Variants in LPP observed in about 807,000 individuals in gnomAD.
LPP encodes lipoma-preferred partner.
In LPP, 38 loss-of-function variants were observed where a neutral mutation model predicts 60.4. The ratio of observed to expected loss-of-function variants is 0.63; its 90% confidence interval spans 0.49 to 0.83. The LOEUF is 0.83. Among genes scored for constraint, LPP ranks in the 40% least tolerant of loss-of-function variants. The probability of loss-of-function intolerance (pLI) is 0.00; values close to 1 mark genes in which losing one functional copy is unlikely to be tolerated. For missense variants in LPP, 902 were observed against 783.6 expected (o/e 1.15, Z -1.80); for synonymous variants, 328 against 290.8 (o/e 1.13, Z -1.30).
chr3:188,757,931 G>T (rs1730927261), intron 8 of LPP, among the ~76,000 whole-genome samples: 1 of 108,620 alleles, frequency 9.2e-6, no homozygotes, highest in African/African-American at 3.6e-5. Context: ...CAAAAATAGT[G>T]CCATATGAAA....
At chr3:188,564,452 C>T (rs961003799) in intron 6 of LPP, among the ~76,000 whole-genome samples, 52 of 152,084 alleles carry the variant, frequency 3.4e-4, no homozygotes, top group African/African-American at 1.2e-3. Context: ...CTATCCTTCT[C>T]TTTTATTTAT....
intron 6 of LPP, among the ~76,000 whole-genome samples, chr3:188,535,981 A>G (rs1051325746): frequency 6.7e-6 from 1 of 149,184 alleles, no homozygotes; most frequent in African/African-American, 2.5e-5. Flanking sequence ...CAACCAAAAC[A>G]CCTGTATAAT....
At chr3:188,184,678 C>T (rs1353188826) in intron 1 of LPP, among the ~76,000 whole-genome samples, 5 of 144,134 alleles carry the variant, frequency 3.5e-5, no homozygotes, top group Non-Finnish European at 6.0e-5. Flanking sequence ...AATAGGGCTC[C>T]GGTAAACTTT....
intron 2 of LPP, among the ~76,000 whole-genome samples, chr3:188,225,940 G>A (rs192211538): frequency 6.6e-6 from 1 of 152,356 alleles, no homozygotes; most frequent in Admixed American, 6.5e-5. Flanking sequence ...AGGAAAGAAA[G>A]CAGTATTATT....
intron 9 of LPP, among the ~76,000 whole-genome samples, chr3:188,855,732 C>T (rs1763685052): frequency 6.6e-6 from 1 of 152,190 alleles, no homozygotes; most frequent in African/African-American, 2.4e-5. Flanking sequence ...GTTCAGCCCT[C>T]AAATCACTCC....
chr3:188,332,862 A>C (rs192898308), intron 2 of LPP, among the ~76,000 whole-genome samples: 390 of 152,226 alleles, frequency 2.6e-3, no homozygotes, highest in African/African-American at 8.7e-3. Context: ...TTTTGTGAGA[A>C]TCAACCTCCA....
At chr3:188,827,122 C>G (rs549407166) in intron 9 of LPP, among the ~76,000 whole-genome samples, 1 of 152,194 alleles carries the variant, frequency 6.6e-6, no homozygotes, top group African/African-American at 2.4e-5. Flanking sequence ...ATTATTAGAG[C>G]TGGCATGAAC....
intron 5 of LPP, among the ~76,000 whole-genome samples, chr3:188,488,642 AT>A (rs1430358648): frequency 1.3e-5 from 2 of 151,564 alleles, no homozygotes; most frequent in Non-Finnish European, 2.9e-5. Flanking sequence ...TTATTTATTT[AT>A]TTATTTATTT....
At position 188,609,927 on chromosome 3, in the gene LPP, A is replaced by G; in HGVS notation, c.1113+83A>G. Reference sequence around the variant, plus strand: ...TCCCCAGGAAGCGAAGCCTAAGGCAAAAGTGTGTGTGTTACTTTTATTTCA... The same window carrying G: ...TCCCCAGGAAGCGAAGCCTAAGGCAGAAGTGTGTGTGTTACTTTTATTTCA... On this transcript the variant is annotated intron_variant, in intron 7 of 11. Transcript: ENST00000617246. This position sits in a 1 kb window ranked among gnomAD's most constrained non-coding sequence, Gnocchi z 6.9. The G allele has an allele frequency of 2.3e-6, 3 of 1,308,974 alleles. No individual in the cohort carries two copies. The highest frequency in any genetic ancestry group is 3.2e-6 in the Non-Finnish European group (3 of 948,308). 81.1% of individuals were successfully genotyped at this position (1,308,974 alleles called of 1,614,324 possible).
At chr3:188,421,073 C>T (rs1787677316) in intron 4 of LPP, among the ~76,000 whole-genome samples, 1 of 152,106 alleles carries the variant, frequency 6.6e-6, no homozygotes, top group Admixed American at 6.6e-5. Flanking sequence ...GGTGAGGTGG[C>T]TTGCCCCAGA....
chr3:188,622,857 GTC>G (rs1397201832), intron 7 of LPP, among the ~76,000 whole-genome samples: 2 of 151,854 alleles, frequency 1.3e-5, no homozygotes, highest in Non-Finnish European at 2.9e-5. Context: ...GTGAAACCCT[GTC>G]TCTACTAAAA....
At chr3:188,639,401 A>G (rs367763610) in intron 7 of LPP, among the ~76,000 whole-genome samples, 25,587 of 151,082 alleles carry the variant, frequency 0.17, 2,552 homozygotes, top group South Asian at 0.33. Context: ...TAGACCTAAA[A>G]CCATAAAAAC....
In LPP at chr3:188,406,241, C is replaced by T. The variant is rs202104142; in HGVS notation, c.121C>T (p.Pro41Ser). The change falls in exon 4 of 12, where the codon CCA becomes TCA. Residue 41 changes from proline (P) to serine (S), a missense_variant. Transcript: ENST00000617246. ...CAGCATTTCAGTGTCTACACAACAG[C>T]CACCCAAAAAGTTTGCCCCGGTAGT... ...NPSISVSTQQ[P>S]PKKFAPVVAP... 1 of 1,614,152 alleles carries T rather than the reference C, an allele frequency of 6.2e-7. No individual in the cohort carries two copies. Among genetic ancestry groups the T allele is most frequent in the East Asian group, 2.2e-5 (1 of 44,882 alleles).
At chr3:188,525,110 G>A (rs1207666519) in intron 6 of LPP, among the ~76,000 whole-genome samples, 2 of 151,896 alleles carry the variant, frequency 1.3e-5, no homozygotes, top group Non-Finnish European at 2.9e-5. Context: ...GGGATTACAG[G>A]CGCCTGCCAC....
chr3:188,753,650 T>G (rs1216806705), intron 8 of LPP, among the ~76,000 whole-genome samples: 1 of 151,674 alleles, frequency 6.6e-6, no homozygotes, highest in Non-Finnish European at 1.5e-5. Context: ...TTACCTTAAT[T>G]TCTCTTTTTG....
At chr3:188,685,264 C>T (rs1860450821) in intron 7 of LPP, among the ~76,000 whole-genome samples, 1 of 152,112 alleles carries the variant, frequency 6.6e-6, no homozygotes, top group African/African-American at 2.4e-5. Context: ...AGATATCTGA[C>T]TAGGATCTGA....
intron 8 of LPP, among the ~76,000 whole-genome samples, chr3:188,748,833 GT>G (rs1390958723): frequency 4.3e-4 from 65 of 152,096 alleles, no homozygotes; most frequent in Non-Finnish European, 2.9e-5. Context: ...AAACTGGAAA[GT>G]TTCTGTTAAA....
At chr3:188,742,188 G>T (rs1184851992) in intron 8 of LPP, among the ~76,000 whole-genome samples, 1 of 152,112 alleles carries the variant, frequency 6.6e-6, no homozygotes, top group Admixed American at 6.6e-5. Context: ...CTCATACACT[G>T]CAGTTGAGGA....
chr3:188,613,090 G>A lies in LPP; in HGVS notation c.1113+3246G>A, dbSNP rs116365489. On this transcript the variant is annotated intron_variant, in intron 7 of 11. Transcript: ENST00000617246. ...TGAGCAGAGTTCCTTGAAAAATAGT[G>A]TTATAAATAAGTCTTTATAAGGTAG... 8.6e-3 allele frequency among the ~76,000 whole-genome samples: 1,301 copies of A among 152,146 alleles called. 17 individuals carry two copies. Among genetic ancestry groups the A allele is most frequent in the African/African-American group, 0.029 (1,217 of 41,526 alleles).
Sources: gnomAD v4.1 joint callset for allele counts (sites outside exome capture counted in the v4.1 genomes callset) on GRCh38, gnomAD v4.1.1 for gene constraint, Gnocchi (gnomAD v3.1) non-coding constraint, MANE v1.5 for transcripts, NCBI Gene and HGNC (gene_info 2026-07-23, HGNC 2026-07-21) for gene names.